DDX42: variants seen among roughly 807,000 people sequenced by gnomAD.
DDX42 encodes the protein ATP-dependent RNA helicase DDX42.
In DDX42, 22 loss-of-function variants were observed where a neutral mutation model predicts 101.5. The ratio of observed to expected loss-of-function variants is 0.22; its 90% CI spans 0.15 to 0.31. The LOEUF (loss-of-function observed/expected upper bound fraction) is 0.31, where lower values mean the gene tolerates loss of function less well. Among genes scored for constraint, DDX42 ranks in the 10% least tolerant of loss-of-function variants. DDX42 has a pLI of 1.00. For synonymous variants in DDX42, 402 were observed against 401.2 expected (o/e 1.00, Z -0.02); for missense variants, 849 against 1,199.9 (o/e 0.71, Z 4.32).
chr17:63,776,840 A>G (rs2039427434), intron 1 of DDX42, among the ~76,000 whole-genome samples: 1 of 152,218 alleles, frequency 6.6e-6, no homozygotes, highest in South Asian at 2.1e-4. Context: ...ATATCAAGTT[A>G]GTAGCAAAGA....
In DDX42 at chr17:63,781,527, C is replaced by T. The variant is rs184079566; in HGVS notation, c.-16-5507C>T. Reference sequence around the variant, plus strand: ...CCACCGTGCCTGGCACATTTTAGTTCTTAACTTACCTAACTTCTCTTTAGT... The same window carrying T: ...CCACCGTGCCTGGCACATTTTAGTTTTTAACTTACCTAACTTCTCTTTAGT... On this transcript the variant is annotated intron_variant, in intron 1 of 17. Coordinates refer to ENST00000389924, the MANE Select transcript of DDX42 (RefSeq NM_203499.3). Among the ~76,000 whole-genome samples the T allele has an allele frequency of 9.2e-5, 14 of 151,978 alleles. 1 individual carries two copies. The highest frequency in any genetic ancestry group is 7.9e-4 in the Admixed American group (12 of 15,246).
At chr17:63,802,065 T>C (rs2039777291) in intron 6 of DDX42, among the ~76,000 whole-genome samples, 1 of 152,200 alleles carries the variant, frequency 6.6e-6, no homozygotes, top group Admixed American at 6.5e-5. Context: ...GCATCAACAT[T>C]TACATTGTTG....
At chr17:63,775,609 A>G (rs1313814578) in intron 1 of DDX42, among the ~76,000 whole-genome samples, 2 of 152,168 alleles carry the variant, frequency 1.3e-5, no homozygotes, top group Non-Finnish European at 2.9e-5. Context: ...GAACGTTCCA[A>G]GCTAGAGAAT....
At chr17:63,794,617 A>G (rs2039669876) in intron 3 of DDX42, among the ~76,000 whole-genome samples, 1 of 150,216 alleles carries the variant, frequency 6.7e-6, no homozygotes, top group Non-Finnish European at 1.5e-5. Context: ...GTTGGGCAGC[A>G]TAGTGAGACC....
intron 11 of DDX42, chr17:63,810,178 C>G (rs2039892088): frequency 4.6e-6 from 1 of 217,206 alleles, no homozygotes; most frequent in African/African-American, 2.3e-5. Context: ...TTCCTCCTTC[C>G]AGTTTCAAGC....
At chr17:63,795,292 C>T (rs979402602) in intron 3 of DDX42, among the ~76,000 whole-genome samples, 4 of 152,192 alleles carry the variant, frequency 2.6e-5, no homozygotes, top group Admixed American at 2.0e-4. Context: ...ACATCAATCC[C>T]TGTTTTCTTC....
Position 63,815,549 on chromosome 17 carries a change from T to C in DDX42, c.1903-14T>C. ...TCCCTCCCTTGACTTAACCTTGAAT[T>C]TTGTTCAATGCAGAATGCCTGGTTT... On this transcript the variant is annotated splice_polypyrimidine_tract_variant and intron_variant, in intron 15 of 17. Transcript: ENST00000389924. 6.3e-7 allele frequency: 1 copy of C among 1,598,242 alleles called. No homozygotes were observed. The highest frequency in any genetic ancestry group is 1.3e-5 in the African/African-American group (1 of 74,672).
At chr17:63,807,939 A>G in intron 9 of DDX42, 39 bp downstream of exon 9, 4 of 1,581,332 alleles carry the variant, frequency 2.5e-6, no homozygotes, top group Non-Finnish European at 3.4e-6. Context: ...CCATATGTGG[A>G]CTAGCAAGGG....
At chr17:63,800,684 A>C in intron 6 of DDX42, 67 bp downstream of exon 6, 1 of 1,564,200 alleles carries the variant, frequency 6.4e-7, no homozygotes, top group Non-Finnish European at 8.7e-7. Flanking sequence ...TTTAACATTT[A>C]GATTTTCTCA....
intron 6 of DDX42, among the ~76,000 whole-genome samples, chr17:63,803,317 G>A (rs1011916266): frequency 4.1e-5 from 6 of 147,096 alleles, no homozygotes; most frequent in East Asian, 3.9e-4. Flanking sequence ...GGCTGGGTGC[G>A]GTGGCTCATG....
In DDX42 at chr17:63,818,147, G is replaced by A. The variant is rs2040001479; in HGVS notation, c.2566G>A (p.Gly856Ser). The A allele has an allele frequency of 2.5e-6, 4 of 1,614,056 alleles. No homozygotes were observed. The East Asian group carries it at 8.9e-5, about 36-fold the overall frequency. ...AGAAAGCAGCAGCCGTCATACTGAT[G>A]GCCATCGGCACGGGGAGAACAGACA... is the stretch of plus-strand genomic sequence containing the variant. ...HPESSSRHTDGHRHGENRHGG... is the reference protein window; with the variant it reads ...HPESSSRHTDSHRHGENRHGG... Residue 856 changes from glycine to serine, a missense_variant, in exon 18 of 18, where the codon GGC (glycine) becomes AGC (serine). Physicochemically the swap from Gly to Ser is moderately conservative, Grantham distance 56. Around this residue, in one of 5 missense-constraint regions of DDX42, gnomAD observed 300 missense variants for 304.9 expected, o/e 0.98. Coordinates refer to ENST00000389924, the MANE Select transcript of DDX42 (RefSeq NM_203499.3).
intron 1 of DDX42, among the ~76,000 whole-genome samples, chr17:63,784,630 C>T (rs2039524915): frequency 6.6e-6 from 1 of 151,974 alleles, no homozygotes; most frequent in African/African-American, 2.4e-5. Flanking sequence ...AATAAAAACC[C>T]AGGCATGGTG....
chr17:63,799,702 T>A, intron 5 of DDX42, 77 bp downstream of exon 5: 1 of 1,442,612 alleles, frequency 6.9e-7, no homozygotes, highest in Non-Finnish European at 9.4e-7. Context: ...GAGCTTGCCT[T>A]CACTCAAAAT....
At chr17:63,800,373 G>A in intron 5 of DDX42, 95 bp from the exon 6 acceptor site, 6 of 1,208,170 alleles carry the variant, frequency 5.0e-6, no homozygotes, top group Middle Eastern at 2.0e-4. Context: ...TATGTTAACT[G>A]TGCAATTATC....
rs2039993460 is a variant in DDX42 at position 63,817,691 on chromosome 17, C to T, written c.2113-3C>T. The T allele has an allele frequency of 6.2e-7, 1 of 1,611,176 alleles. No homozygotes were observed. Among genetic ancestry groups the T allele is most frequent in the Non-Finnish European group, 8.5e-7 (1 of 1,177,588 alleles). On this transcript the variant is annotated splice_region_variant and splice_polypyrimidine_tract_variant and intron_variant, in intron 17 of 17. Coordinates refer to ENST00000389924, the MANE Select transcript of DDX42 (RefSeq NM_203499.3). ...CTACTCCTGATGTCTCTTTCTCTTT[C>T]AGTCACAGTACAAGAGTCACTTTGT...
At chr17:63,810,413 TC>T in intron 11 of DDX42, 99 bp from the exon 12 acceptor site, 1 of 1,290,856 alleles carries the variant, frequency 7.7e-7, no homozygotes. Flanking sequence ...TTTTCTTAAT[TC>T]TTACAACTTC....
At chr17:63,808,989 C>T (rs368392062) in intron 10 of DDX42, 41 bp downstream of exon 10, 103 of 1,601,682 alleles carry the variant, frequency 6.4e-5, no homozygotes, top group Non-Finnish European at 8.2e-5. Context: ...CAGCCTCCCT[C>T]GGTATGGAAA....
intron 10 of DDX42, among the ~76,000 whole-genome samples, chr17:63,809,229 A>G (rs2144580670): frequency 6.6e-6 from 1 of 152,332 alleles, no homozygotes; most frequent in South Asian, 2.1e-4. Context: ...AATCAGAAAG[A>G]TACATATGGT....
At chr17:63,780,944 C>T (rs2039480658) in intron 1 of DDX42, among the ~76,000 whole-genome samples, 1 of 152,164 alleles carries the variant, frequency 6.6e-6, no homozygotes, top group Non-Finnish European at 1.5e-5. Flanking sequence ...TGTCATTTTG[C>T]ATCTTCAGTT....
Sources: gnomAD v4.1 joint callset for allele counts (sites outside exome capture counted in the v4.1 genomes callset) on GRCh38, gnomAD v4.1.1 for gene constraint, gnomAD v4.1.1 regional missense constraint, MANE v1.5 for transcripts, NCBI Gene and HGNC (gene_info 2026-07-23, HGNC 2026-07-21) for gene names.